CYP4X1: variants seen among roughly 807,000 people sequenced by gnomAD.
The protein encoded by CYP4X1 is cytochrome P450 4X1.
In CYP4X1, 44 loss-of-function variants were observed where a neutral mutation model predicts 57.9. The observed-to-expected ratio is 0.76, with a 90% confidence interval of 0.60 to 0.98. The LOEUF (loss-of-function observed/expected upper bound fraction) is 0.98, where lower values mean the gene tolerates loss of function less well. CYP4X1 is among the 50% of genes least tolerant of loss of function. The pLI is 0.00. For synonymous variants in CYP4X1, 227 were observed against 228.6 expected (o/e 0.99, Z 0.06); for missense variants, 532 against 623.9 (o/e 0.85, Z 1.57).
chr1:47,049,924 A>C (rs1393659), intron 11 of CYP4X1, 76 bp from the exon 12 acceptor site: 554,056 of 1,421,900 alleles, frequency 0.39, 120,145 homozygotes, highest in East Asian at 0.98. Flanking sequence ...CTTCAGACTT[A>C]TTGTACTAGT....
At chr1:46,971,447 A>G in the CYP4X1 span, among the ~76,000 whole-genome samples, 1 of 152,186 alleles carries the variant, frequency 6.6e-6, no homozygotes, top group Non-Finnish European at 1.5e-5. Context: ...CAGTAATGGG[A>G]TAGCTGGGTC....
At chr1:47,022,726 C>T (rs1644012247), upstream of CYP4X1, among the ~76,000 whole-genome samples, 1 of 152,128 alleles carries the variant, frequency 6.6e-6, no homozygotes. Context: ...GGAATTGTAG[C>T]AGAAATTGGG....
the CYP4X1 span, among the ~76,000 whole-genome samples, chr1:47,017,001 G>A: frequency 6.6e-6 from 1 of 152,128 alleles, no homozygotes; most frequent in African/African-American, 2.4e-5. Context: ...ATGACCTCCA[G>A]TTCTATCCAT....
chr1:46,981,975 C>T, the CYP4X1 span, among the ~76,000 whole-genome samples: 292 of 152,116 alleles, frequency 1.9e-3, 1 homozygote, highest in African/African-American at 6.6e-3. Flanking sequence ...CACACCAGGG[C>T]CTGTCATAGA....
chr1:47,043,499 T>G (rs1398862081), intron 8 of CYP4X1, among the ~76,000 whole-genome samples: 1 of 152,124 alleles, frequency 6.6e-6, no homozygotes, highest in African/African-American at 2.4e-5. Context: ...TGTTGTTTTT[T>G]GGGGTTGTTT....
At chr1:47,048,382 A>G (rs1644324832) in intron 9 of CYP4X1, among the ~76,000 whole-genome samples, 183 bp from the exon 10 acceptor site, 2 of 152,228 alleles carry the variant, frequency 1.3e-5, no homozygotes, top group Admixed American at 6.5e-5. Flanking sequence ...TTGTGTGGAA[A>G]GCTAAGGTGC....
chr1:47,007,341 C>G, the CYP4X1 span, among the ~76,000 whole-genome samples: 1 of 152,198 alleles, frequency 6.6e-6, no homozygotes, highest in South Asian at 2.1e-4. Context: ...CTCCAGCAAA[C>G]ACCAACAGAC....
At chr1:47,023,580 G>A (rs1220743942), upstream of CYP4X1, 14 of 1,301,642 alleles carry the variant, frequency 1.1e-5, no homozygotes, top group Non-Finnish European at 1.2e-5. Flanking sequence ...AAAGCAGTTG[G>A]GCCGAACGAA....
the CYP4X1 span, among the ~76,000 whole-genome samples, chr1:46,978,851 T>C: frequency 6.6e-6 from 1 of 152,220 alleles, no homozygotes; most frequent in African/African-American, 2.4e-5. Context: ...ACATGGAAAT[T>C]GAACAACCTG....
chr1:47,025,693 A>G (rs1219344791), intron 1 of CYP4X1, among the ~76,000 whole-genome samples: 1 of 152,072 alleles, frequency 6.6e-6, no homozygotes, highest in East Asian at 1.9e-4. Context: ...AATATTTGTC[A>G]CTATTTTTTT....
At chr1:46,961,545 G>C in the CYP4X1 span, 8 of 1,217,204 alleles carry the variant, frequency 6.6e-6, no homozygotes, top group Non-Finnish European at 8.4e-6. Context: ...AGGTGTTCTT[G>C]GGAGAGCTGC....
At chr1:46,997,014 C>A in the CYP4X1 span, among the ~76,000 whole-genome samples, 3 of 152,208 alleles carry the variant, frequency 2.0e-5, no homozygotes, top group South Asian at 2.1e-4. Context: ...CACTTTGAAG[C>A]AGTTTCTCCT....
chr1:46,999,380 G>A, the CYP4X1 span, among the ~76,000 whole-genome samples: 1 of 152,146 alleles, frequency 6.6e-6, no homozygotes, highest in African/African-American at 2.4e-5. Flanking sequence ...AGTAGTCGCT[G>A]AGGATCTTTT....
the CYP4X1 span, among the ~76,000 whole-genome samples, chr1:47,012,584 G>A: frequency 6.0e-5 from 9 of 151,186 alleles, no homozygotes; most frequent in African/African-American, 2.2e-4. Flanking sequence ...GATATTCAAA[G>A]AAAGAAAAAA....
the CYP4X1 span, among the ~76,000 whole-genome samples, chr1:46,984,016 T>C: frequency 1.3e-5 from 2 of 151,216 alleles, no homozygotes; most frequent in Non-Finnish European, 2.9e-5. Flanking sequence ...GGTGCAGGAG[T>C]GCTCAGGAGT....
At chr1:47,029,700 G>A (rs1266701778) in intron 1 of CYP4X1, among the ~76,000 whole-genome samples, 2 of 152,156 alleles carry the variant, frequency 1.3e-5, no homozygotes, top group Non-Finnish European at 2.9e-5. Context: ...CAGAGAGTGT[G>A]ACTCGGCTCA....
chr1:47,021,142 C>CAAA (rs546594827), upstream of CYP4X1, among the ~76,000 whole-genome samples: 89 of 47,428 alleles, frequency 1.9e-3, 13 homozygotes, highest in Admixed American at 2.9e-3. Flanking sequence ...GCAGGAATGC[C>CAAA]AAAAAAAAAA....
At chr1:47,030,757 G>A (rs1644116137) in intron 2 of CYP4X1, among the ~76,000 whole-genome samples, 1 of 152,146 alleles carries the variant, frequency 6.6e-6, no homozygotes, top group South Asian at 2.1e-4. Context: ...TTATATTCCA[G>A]TCTTCCCTGT....
At chr1:46,997,793 G>C in the CYP4X1 span, among the ~76,000 whole-genome samples, 13 of 152,036 alleles carry the variant, frequency 8.6e-5, no homozygotes, top group Non-Finnish European at 1.8e-4. Context: ...TTTCCCATAG[G>C]GTTGGACTAA....
Sources: allele counts gnomAD v4.1 joint callset (sites outside exome capture counted in the v4.1 genomes callset), GRCh38; gene constraint gnomAD v4.1.1; transcripts MANE v1.5; gene names NCBI Gene and HGNC (gene_info 2026-07-23, HGNC 2026-07-21).